TLCD4: variants seen among roughly 807,000 people sequenced by gnomAD.
TLCD4 encodes TLC domain-containing protein 4.
A neutral mutation model predicts 24.2 loss-of-function variants in TLCD4; 7 were observed. The ratio of observed to expected loss-of-function variants is 0.29; its 90% CI spans 0.16 to 0.54. TLCD4 has a LOEUF of 0.54. Among genes scored for constraint, TLCD4 ranks in the 20% least tolerant of loss-of-function variants. The probability of loss-of-function intolerance (pLI) is 0.95; values close to 1 mark genes in which losing one functional copy is unlikely to be tolerated. For missense variants in TLCD4, 259 were observed against 313.9 expected, an observed-to-expected ratio of 0.82 and a Z score of 1.32; for synonymous variants, 103 against 106.4, an observed-to-expected ratio of 0.97 and a Z score of 0.20.
Position 95,130,277 on chromosome 1 carries a change from C to T in TLCD4, c.-12+12660C>T, listed in dbSNP as rs553738090. ...AAGGGATTCTCCTGTCTCAGCCTTC[C>T]GAGCAGCTGGGACTACAGGCACGTG... On this transcript the variant is annotated intron_variant, in intron 1 of 6. Transcript: ENST00000370203. 8.1e-5 allele frequency among the ~76,000 whole-genome samples: 12 copies of T among 147,742 alleles called. No individual in the cohort carries two copies. In the South Asian group the frequency reaches 8.8e-4, roughly 11 times the overall value.
At chr1:95,169,356 C>T (rs1678129105) in intron 5 of TLCD4, among the ~76,000 whole-genome samples, 3 of 152,150 alleles carry the variant, frequency 2.0e-5, no homozygotes, top group Admixed American at 2.0e-4. Flanking sequence ...TTAGAAGAGC[C>T]AAGATGTTAT....
intron 1 of TLCD4, among the ~76,000 whole-genome samples, chr1:95,123,131 G>C (rs1676616043): frequency 6.6e-6 from 1 of 152,128 alleles, no homozygotes; most frequent in South Asian, 2.1e-4. Flanking sequence ...CTTAAAACTA[G>C]TCTTGCTCAA....
the TLCD4 span, among the ~76,000 whole-genome samples, chr1:95,094,188 T>C: frequency 6.6e-6 from 1 of 152,206 alleles, no homozygotes; most frequent in Non-Finnish European, 1.5e-5. Flanking sequence ...TGGAGTGCAT[T>C]GGTGCCATCA....
At chr1:95,174,054 A>G in intron 6 of TLCD4, 165 bp downstream of exon 6, 2 of 1,051,236 alleles carry the variant, frequency 1.9e-6, no homozygotes, top group Non-Finnish European at 2.7e-6. Context: ...TGGAAAGGTT[A>G]GAGTAACTTA....
intron 1 of TLCD4, among the ~76,000 whole-genome samples, chr1:95,140,451 G>C (rs1355674705): frequency 1.3e-5 from 2 of 152,130 alleles, no homozygotes; most frequent in African/African-American, 4.8e-5. Context: ...CTGTACTTCA[G>C]ACCTTTTCAT....
At position 95,150,199 on chromosome 1, in the gene TLCD4, T is replaced by TC. The variant is rs1677455834; in HGVS notation, c.246-9_246-8insC. The TC allele has an allele frequency of 1.2e-6, 2 of 1,604,866 alleles. No homozygotes were observed. Among genetic ancestry groups the TC allele is most frequent in the Non-Finnish European group, 1.7e-6 (2 of 1,178,542 alleles). ...TATACTTTAAAAAGGAACCTTTTTT[T>TC]TTTTTCAGGGGTGGTCCATCACTTG... On this transcript the variant is annotated splice_polypyrimidine_tract_variant and intron_variant, in intron 3 of 6. Coordinates refer to ENST00000370203, the MANE Select transcript of TLCD4 (RefSeq NM_152487.3).
chr1:95,167,945 A>C (rs547154730), intron 5 of TLCD4, among the ~76,000 whole-genome samples: 25 of 152,178 alleles, frequency 1.6e-4, no homozygotes, highest in African/African-American at 5.8e-4. Context: ...TTTCTCTCGT[A>C]AACTGTCTTT....
chr1:95,114,111 G>C (rs1676387829), upstream of TLCD4, among the ~76,000 whole-genome samples: 1 of 152,194 alleles, frequency 6.6e-6, no homozygotes, highest in Non-Finnish European at 1.5e-5. Flanking sequence ...CCAGGCTGGA[G>C]TGCAGTGGTG....
chr1:95,093,941 T>C, the TLCD4 span, among the ~76,000 whole-genome samples: 807 of 152,334 alleles, frequency 5.3e-3, 3 homozygotes, highest in Admixed American at 9.2e-3. Context: ...GCAATGTGAC[T>C]TTTCTGTTTT....
intron 1 of TLCD4, among the ~76,000 whole-genome samples, chr1:95,126,168 T>A (rs2100907600): frequency 6.6e-6 from 1 of 150,630 alleles, no homozygotes; most frequent in South Asian, 2.1e-4. Context: ...GGCTCATGCC[T>A]CTAATCCCAG....
the TLCD4 span, among the ~76,000 whole-genome samples, chr1:95,094,277 C>T: frequency 6.6e-6 from 1 of 151,308 alleles, no homozygotes; most frequent in African/African-American, 2.4e-5. Context: ...ACTAAAAGTG[C>T]ATGCCCTCAC....
the TLCD4 span, among the ~76,000 whole-genome samples, chr1:95,110,952 T>C: frequency 2.0e-5 from 3 of 151,182 alleles, no homozygotes; most frequent in African/African-American, 7.3e-5. Flanking sequence ...TTATAAAATC[T>C]AAAAATATCC....
the TLCD4 span, among the ~76,000 whole-genome samples, chr1:95,104,415 A>G: frequency 6.6e-6 from 1 of 152,168 alleles, no homozygotes; most frequent in Non-Finnish European, 1.5e-5. Context: ...CTGTAATCCC[A>G]GCACTTTGGG....
At chr1:95,159,666 T>A (rs1677729436) in intron 5 of TLCD4, among the ~76,000 whole-genome samples, 2 of 152,252 alleles carry the variant, frequency 1.3e-5, no homozygotes, top group Admixed American at 1.3e-4. Context: ...TTAATCCATC[T>A]TGAATTAATT....
At chr1:95,094,855 C>A in the TLCD4 span, among the ~76,000 whole-genome samples, 3 of 152,190 alleles carry the variant, frequency 2.0e-5, no homozygotes, top group Non-Finnish European at 2.9e-5. Flanking sequence ...TATCGCCTAT[C>A]CTGGATAATT....
chr1:95,167,386 A>T (rs951813706), intron 5 of TLCD4, among the ~76,000 whole-genome samples: 1 of 152,164 alleles, frequency 6.6e-6, no homozygotes, highest in Admixed American at 6.5e-5. Context: ...AAAGTTTGCC[A>T]ATAAATATTT....
intron 6 of TLCD4, among the ~76,000 whole-genome samples, chr1:95,189,551 A>G (rs565903840): frequency 1.3e-4 from 19 of 151,822 alleles, no homozygotes; most frequent in South Asian, 2.1e-4. Flanking sequence ...TACCTACTCA[A>G]TCCCCTTCCA....
the TLCD4 span, among the ~76,000 whole-genome samples, chr1:95,100,135 T>C: frequency 6.6e-6 from 1 of 151,818 alleles, no homozygotes; most frequent in East Asian, 1.9e-4. Context: ...TATATATACA[T>C]ATAGAATAAA....
chr1:95,155,127 T>A (rs575710375), intron 5 of TLCD4, among the ~76,000 whole-genome samples: 9 of 152,006 alleles, frequency 5.9e-5, no homozygotes, highest in African/African-American at 2.2e-4. Flanking sequence ...CAGTAGTAGG[T>A]GCATAATTTA....
Sources: gnomAD v4.1 joint callset for allele counts (sites outside exome capture counted in the v4.1 genomes callset) on GRCh38, gnomAD v4.1.1 for gene constraint, MANE v1.5 for transcripts, NCBI Gene and HGNC (gene_info 2026-07-23, HGNC 2026-07-21) for gene names.